Variants in TUSC3 observed in about 807,000 individuals in gnomAD.
The protein encoded by TUSC3 is tumor suppressor candidate 3.
Under a neutral mutation model 44.8 loss-of-function variants are expected in TUSC3, and 45 were observed. The observed-to-expected ratio is 1.00, with a 90% CI of 0.79 to 1.29. The LOEUF (loss-of-function observed/expected upper bound fraction) is 1.29. Among genes scored for constraint, TUSC3 ranks in the 50% most tolerant of loss-of-function variants. The probability of loss-of-function intolerance (pLI) is 0.00; values close to 1 mark genes in which losing one functional copy is unlikely to be tolerated. For synonymous variants in TUSC3, 212 were observed against 152.9 expected (o/e 1.39, Z -2.85); for missense variants, 519 against 437.9 (o/e 1.19, Z -1.65).
intron 1 of TUSC3, among the ~76,000 whole-genome samples, chr8:15,608,318 G>C (rs868220202): frequency 5.3e-5 from 8 of 151,382 alleles, no homozygotes; most frequent in Non-Finnish European, 1.2e-4. Context: ...TGCTTGCTTT[G>C]TTACTTTATA....
chr8:15,588,795 AT>A (rs1803703582), intron 1 of TUSC3, among the ~76,000 whole-genome samples: 1 of 152,046 alleles, frequency 6.6e-6, no homozygotes, highest in African/African-American at 2.4e-5. Context: ...TCCCCGCACT[AT>A]TTATTGAAGA....
intron 1 of TUSC3, among the ~76,000 whole-genome samples, chr8:15,577,492 A>G (rs917293569): frequency 1.3e-5 from 2 of 150,870 alleles, no homozygotes; most frequent in African/African-American, 2.4e-5. Flanking sequence ...TTTTTTGTAT[A>G]AGGTGTAAGG....
At chr8:15,438,163 C>T (rs1014288275) in intron 1 of TUSC3, among the ~76,000 whole-genome samples, 9 of 152,102 alleles carry the variant, frequency 5.9e-5, no homozygotes, top group Admixed American at 1.3e-4. Flanking sequence ...GGCACAGTCT[C>T]GGCTCCCTGC....
the TUSC3 span, among the ~76,000 whole-genome samples, chr8:15,797,350 T>C: frequency 6.6e-6 from 1 of 152,094 alleles, no homozygotes; most frequent in Non-Finnish European, 1.5e-5. Flanking sequence ...TCTTTTTCTT[T>C]TTTTCTTTTT....
At chr8:15,454,110 A>C (rs1244610472) in intron 1 of TUSC3, among the ~76,000 whole-genome samples, 1 of 152,196 alleles carries the variant, frequency 6.6e-6, no homozygotes, top group African/African-American at 2.4e-5. Flanking sequence ...GCCACTGCAC[A>C]TGTGGACAGC....
At chr8:15,822,054 A>G in the TUSC3 span, among the ~76,000 whole-genome samples, 1 of 152,190 alleles carries the variant, frequency 6.6e-6, no homozygotes, top group African/African-American at 2.4e-5. Flanking sequence ...CTTAAAATCC[A>G]GCAGAAGTTT....
At chr8:15,528,335 GC>G (rs1356796502) in intron 2 of TUSC3, among the ~76,000 whole-genome samples, 1 of 152,154 alleles carries the variant, frequency 6.6e-6, no homozygotes, top group African/African-American at 2.4e-5. Context: ...TAGGAAGAAA[GC>G]TGTGTATTTG....
At chr8:15,744,785 C>G (rs1157291641) in intron 8 of TUSC3, among the ~76,000 whole-genome samples, 1 of 152,000 alleles carries the variant, frequency 6.6e-6, no homozygotes, top group Non-Finnish European at 1.5e-5. Flanking sequence ...CAAATTATGC[C>G]TATGAGGACA....
At chr8:15,455,153 C>G (rs1056385832) in intron 1 of TUSC3, among the ~76,000 whole-genome samples, 1 of 152,146 alleles carries the variant, frequency 6.6e-6, no homozygotes, top group African/African-American at 2.4e-5. Flanking sequence ...ATTGAGTAGA[C>G]ACTTGGGTAT....
chr8:15,820,289 G>T, the TUSC3 span, among the ~76,000 whole-genome samples: 2 of 148,354 alleles, frequency 1.3e-5, no homozygotes, highest in African/African-American at 2.5e-5. Context: ...GTATATTCAT[G>T]AAAGATATTG....
chr8:15,622,831 C>T (rs1768952116), intron 1 of TUSC3, among the ~76,000 whole-genome samples: 1 of 151,952 alleles, frequency 6.6e-6, no homozygotes, highest in Non-Finnish European at 1.5e-5. Flanking sequence ...TGTCAACCCC[C>T]ATTGGCATTC....
the TUSC3 span, among the ~76,000 whole-genome samples, chr8:15,812,350 G>A: frequency 2.0e-5 from 3 of 152,156 alleles, no homozygotes; most frequent in African/African-American, 7.2e-5. Flanking sequence ...ATTTCTATGG[G>A]AGTCAAAATA....
At chr8:15,819,628 C>T in the TUSC3 span, among the ~76,000 whole-genome samples, 1 of 148,976 alleles carries the variant, frequency 6.7e-6, no homozygotes, top group Non-Finnish European at 1.5e-5. Context: ...GTTTCTTATA[C>T]TTGTAAGTCT....
intron 1 of TUSC3, among the ~76,000 whole-genome samples, chr8:15,467,982 T>C (rs1211043152): frequency 6.6e-6 from 1 of 152,186 alleles, no homozygotes. Context: ...AAGATGGTAG[T>C]GTCAGCAAAG....
chr8:15,424,513 C>G (rs958373064), intron 1 of TUSC3, among the ~76,000 whole-genome samples: 1 of 152,056 alleles, frequency 6.6e-6, no homozygotes, highest in African/African-American at 2.4e-5. Flanking sequence ...TCTGGGCAAA[C>G]AAAAATGACA....
chr8:15,445,068 T>C (rs905562376), intron 1 of TUSC3, among the ~76,000 whole-genome samples: 1 of 152,118 alleles, frequency 6.6e-6, no homozygotes, highest in Non-Finnish European at 1.5e-5. Context: ...AAAATTCTTA[T>C]TAGAAACAAA....
chr8:15,708,932 T>G (rs1419558855), intron 6 of TUSC3, among the ~76,000 whole-genome samples: 2 of 151,936 alleles, frequency 1.3e-5, no homozygotes, highest in Non-Finnish European at 2.9e-5. Context: ...TCCTGAGTCT[T>G]ATGTAAAGTA....
chr8:15,603,192 A>C (rs972605420), intron 1 of TUSC3, among the ~76,000 whole-genome samples: 2 of 151,618 alleles, frequency 1.3e-5, no homozygotes, highest in Admixed American at 6.6e-5. Flanking sequence ...AGAAAAGAGA[A>C]CCCAATTGAA....
At chr8:15,797,812 A>T in the TUSC3 span, among the ~76,000 whole-genome samples, 1 of 152,216 alleles carries the variant, frequency 6.6e-6, no homozygotes, top group Non-Finnish European at 1.5e-5. Flanking sequence ...TGTGTAATGA[A>T]TTCAATCACC....
Sources: gnomAD v4.1 joint callset for allele counts (sites outside exome capture counted in the v4.1 genomes callset) on GRCh38, gnomAD v4.1.1 for gene constraint, MANE v1.5 for transcripts, NCBI Gene and HGNC (gene_info 2026-07-23, HGNC 2026-07-21) for gene names.